CRYBG1: variants seen among roughly 807,000 people sequenced by gnomAD.
CRYBG1 encodes beta/gamma crystallin domain-containing protein 1.
CRYBG1 carries 139 observed loss-of-function variants against 189.2 expected under a neutral mutation model. The observed-to-expected ratio is 0.73, with a 90% CI of 0.64 to 0.85. The LOEUF (loss-of-function observed/expected upper bound fraction) is 0.85. Ranked by LOEUF, CRYBG1 falls within the 40% of genes least tolerant of loss-of-function variation. CRYBG1 has a pLI of 0.00. For missense variants in CRYBG1, 2,611 were observed against 2,675.8 expected (o/e 0.98, Z 0.53); for synonymous variants, 1,023 against 1,017.1 (o/e 1.01, Z -0.11).
chr6:106,566,395 C>T (rs1485576868), intron 21 of CRYBG1, among the ~76,000 whole-genome samples: 1 of 151,368 alleles, frequency 6.6e-6, no homozygotes, highest in Non-Finnish European at 1.5e-5. Context: ...TACTCAAGTG[C>T]CTGCTGAGTA....
At chr6:106,552,419 T>C (rs1676012) in intron 15 of CRYBG1, 10,345 of 262,668 alleles carry the variant, frequency 0.039, 1,036 homozygotes, top group African/African-American at 0.21. Flanking sequence ...AACCCCGTCT[T>C]TACTAAAAAG....
Position 106,560,930 on chromosome 6 carries a change from T to C in CRYBG1, c.5979+4T>C. ...TTCTCTACGACCTTTTGTTCAGGTATTTTCTTCCTCTCCATGCTCTGCATA... is the reference window on the plus strand; with the variant it reads ...TTCTCTACGACCTTTTGTTCAGGTACTTTCTTCCTCTCCATGCTCTGCATA... On this transcript the variant is annotated splice_donor_region_variant and intron_variant, in intron 19 of 21. Coordinates refer to ENST00000633556, the MANE Select transcript of CRYBG1 (RefSeq NM_001371242.2). 1 of 1,598,738 alleles carries C rather than the reference T, an allele frequency of 6.3e-7. No homozygotes were observed. The highest frequency in any genetic ancestry group is 1.3e-5 in the African/African-American group (1 of 74,334).
At chr6:106,538,892 C>CAAAAA (rs56951856) in intron 8 of CRYBG1, among the ~76,000 whole-genome samples, 15 of 147,076 alleles carry the variant, frequency 1.0e-4, no homozygotes, top group Non-Finnish European at 7.5e-5. Flanking sequence ...AAGACTCCGT[C>CAAAAA]AAAAAAAAAA....
intron 2 of CRYBG1, among the ~76,000 whole-genome samples, chr6:106,452,858 A>T (rs1224545296): frequency 6.6e-6 from 1 of 152,236 alleles, no homozygotes; most frequent in Admixed American, 6.5e-5. Flanking sequence ...CTTTAGTCAC[A>T]GGGTGAGTGA....
In CRYBG1 at chr6:106,568,657, G is replaced by A. The variant is rs1774965883; in HGVS notation, c.*91G>A. 2 of 871,296 alleles carry A rather than the reference G, an allele frequency of 2.3e-6. No homozygotes were observed. Among genetic ancestry groups the A allele is most frequent in the Non-Finnish European group, 3.7e-6 (2 of 538,132 alleles). 54.0% of individuals were successfully genotyped at this position (871,296 alleles called of 1,614,324 possible). A position where few individuals can be genotyped will look rare whatever the true frequency, so the allele number is the denominator to read the frequency against. ...CTGATGGAAGACCAGACTGGAAAGT[G>A]GATCGACTCCTCCTTCATTGATTCT... On this transcript the variant is annotated 3_prime_UTR_variant, in exon 22 of 22. Coordinates refer to ENST00000633556, the MANE Select transcript of CRYBG1 (RefSeq NM_001371242.2).
intron 1 of CRYBG1, among the ~76,000 whole-genome samples, chr6:106,445,898 G>A (rs965943817): frequency 6.6e-6 from 1 of 152,148 alleles, no homozygotes; most frequent in African/African-American, 2.4e-5. Context: ...TAGATTGTGG[G>A]GTTTTGTTTT....
At chr6:106,540,908 T>C (rs1204419794) in intron 9 of CRYBG1, among the ~76,000 whole-genome samples, 1 of 152,194 alleles carries the variant, frequency 6.6e-6, no homozygotes, top group Non-Finnish European at 1.5e-5. Context: ...TGTAATACCA[T>C]TTCTCTGATT....
intron 3 of CRYBG1, among the ~76,000 whole-genome samples, chr6:106,517,340 A>AC: frequency 9.6e-6 from 1 of 103,630 alleles, no homozygotes; most frequent in African/African-American, 4.4e-5. Flanking sequence ...ACATATATAT[A>AC]TACACACACA....
At chr6:106,435,141 C>T (rs927484528) in intron 1 of CRYBG1, among the ~76,000 whole-genome samples, 34 of 152,154 alleles carry the variant, frequency 2.2e-4, no homozygotes, top group African/African-American at 7.2e-4. Flanking sequence ...TCCTGTCCCA[C>T]TCCTCAATCT....
chr6:106,376,747 C>A (rs1770170961), intron 1 of CRYBG1, among the ~76,000 whole-genome samples: 2 of 152,192 alleles, frequency 1.3e-5, no homozygotes, highest in East Asian at 1.9e-4. Flanking sequence ...TATTTAAACA[C>A]TTCTCAATTA....
chr6:106,471,403 T>G (rs988920465), intron 2 of CRYBG1, among the ~76,000 whole-genome samples: 3 of 152,200 alleles, frequency 2.0e-5, no homozygotes, highest in East Asian at 3.8e-4. Flanking sequence ...TTTGCAAGCA[T>G]TTCAGAGGCA....
intron 1 of CRYBG1, among the ~76,000 whole-genome samples, chr6:106,390,726 A>G (rs1770484000): frequency 6.6e-6 from 1 of 152,142 alleles, no homozygotes; most frequent in Non-Finnish European, 1.5e-5. Context: ...TGTCCATGAG[A>G]GTCATTCATA....
In CRYBG1 at chr6:106,555,759, C is replaced by A; in HGVS notation, c.5586-9C>A. 6.2e-7 allele frequency: 1 copy of A among 1,613,532 alleles called. No homozygotes were observed. The highest frequency in any genetic ancestry group is 8.5e-7 in the Non-Finnish European group (1 of 1,179,762). ...ATTCTGTGCATGTGTGTGGTTTTTC[C>A]CATTGTAGCTGGGTTGTATATGATG... On this transcript the variant is annotated splice_polypyrimidine_tract_variant and intron_variant, in intron 16 of 21. Transcript: ENST00000633556.
intron 2 of CRYBG1, among the ~76,000 whole-genome samples, chr6:106,486,058 T>C (rs1309097238): frequency 6.6e-6 from 1 of 152,178 alleles, no homozygotes; most frequent in African/African-American, 2.4e-5. Flanking sequence ...AGGTTATTTA[T>C]TAGAAATCTT....
chr6:106,428,139 T>C lies in CRYBG1; in HGVS notation c.174-23555T>C, dbSNP rs147240508. On this transcript the variant is annotated intron_variant, in intron 1 of 21. Transcript: ENST00000633556. ...CTGACATTATAATTAATATTAGCTT[T>C]CTTTTGTGTTTATTCTGTGTCTCTC... Among the ~76,000 whole-genome samples, 212 of 152,346 alleles carry C rather than the reference T, an allele frequency of 1.4e-3. 2 individuals are homozygous for C. Among genetic ancestry groups the C allele is most frequent in the African/African-American group, 4.7e-3 (196 of 41,584 alleles).
intron 1 of CRYBG1, among the ~76,000 whole-genome samples, chr6:106,445,685 T>C (rs1771651337): frequency 6.6e-6 from 1 of 152,220 alleles, no homozygotes; most frequent in South Asian, 2.1e-4. Flanking sequence ...ATTTTGCAGA[T>C]GAAGAAACTG....
rs1337687249 is a variant in CRYBG1 at position 106,566,970 on chromosome 6, G to GA, written c.6302-1500dup. The stretch of plus-strand genomic sequence containing the variant: ...GACCACATACCTTGTAACAACAGTG[G>GA]AAGCTGATTCATGTTCACTTTAAAA... On this transcript the variant is annotated intron_variant, in intron 21 of 21. Coordinates refer to ENST00000633556, the MANE Select transcript of CRYBG1 (RefSeq NM_001371242.2). Among the ~76,000 whole-genome samples, 70 of 152,072 alleles carry GA rather than the reference G, an allele frequency of 4.6e-4. 3 individuals carry two copies.
At chr6:106,377,153 AT>A (rs1313825087) in intron 1 of CRYBG1, among the ~76,000 whole-genome samples, 2 of 151,982 alleles carry the variant, frequency 1.3e-5, no homozygotes, top group East Asian at 3.9e-4. Flanking sequence ...TTTCGTGACT[AT>A]TTCCCTTCTG....
intron 2 of CRYBG1, among the ~76,000 whole-genome samples, chr6:106,507,897 G>C (rs1016113570): frequency 6.6e-6 from 1 of 152,122 alleles, no homozygotes; most frequent in Non-Finnish European, 1.5e-5. Flanking sequence ...GGAGAAGACT[G>C]CATTCCCCTG....
Sources: gnomAD v4.1 joint callset for allele counts (sites outside exome capture counted in the v4.1 genomes callset) on GRCh38, gnomAD v4.1.1 for gene constraint, MANE v1.5 for transcripts, NCBI Gene and HGNC (gene_info 2026-07-23, HGNC 2026-07-21) for gene names.